NREP: variants seen among roughly 807,000 people sequenced by gnomAD.
NREP encodes the protein neuronal regeneration related protein.
NREP carries 5 observed loss-of-function variants against 8.6 expected under a neutral mutation model. The observed-to-expected ratio is 0.58, with a 90% confidence interval of 0.30 to 1.22. NREP has a LOEUF of 1.22. Among genes scored for constraint, NREP ranks in the 50% most tolerant of loss-of-function variants. The pLI is 0.07. For missense variants in NREP, 86 were observed against 82.5 expected, an observed-to-expected ratio of 1.04 and a Z score of -0.17; for synonymous variants, 27 against 28.0, an observed-to-expected ratio of 0.96 and a Z score of 0.11.
rs1581181140 is a variant in NREP, at chr5:111,875,215, T to C, written c.135+100059A>G. Among the ~76,000 whole-genome samples, 3 of 152,168 alleles carry C rather than the reference T, an allele frequency of 2.0e-5. No individual in the cohort carries two copies. In the East Asian group the frequency reaches 5.8e-4, roughly 29 times the overall value. On this transcript the variant is annotated intron_variant, in intron 2 of 3. Coordinates refer to the NREP transcript ENST00000395634. The stretch of plus-strand genomic sequence containing the variant: ...TATGAAGCTTCTTAGAATTTTATCT[T>C]TCTAAAAGTTCCCTTAACTATTCAG...
intron 2 of NREP, among the ~76,000 whole-genome samples, chr5:111,840,296 A>G (rs1240515947): frequency 1.3e-5 from 2 of 151,732 alleles, no homozygotes; most frequent in African/African-American, 2.4e-5. Context: ...GGTGGTGGTT[A>G]TTTGTTTTGT....
At chr5:111,911,947 G>T (rs950417265) in intron 2 of NREP, among the ~76,000 whole-genome samples, 2 of 152,040 alleles carry the variant, frequency 1.3e-5, no homozygotes, top group African/African-American at 4.8e-5. Context: ...TTACAGATGG[G>T]ATAACTAAGT....
chr5:111,806,596 T>C (rs1320646419), intron 2 of NREP, among the ~76,000 whole-genome samples: 1 of 152,198 alleles, frequency 6.6e-6, no homozygotes, highest in Non-Finnish European at 1.5e-5. Flanking sequence ...GAAATTGATC[T>C]GATTGCAATT....
At chr5:111,871,053 C>CGTGTGTGT (rs34667486) in intron 2 of NREP, among the ~76,000 whole-genome samples, 46,276 of 142,460 alleles carry the variant, frequency 0.32, 8,001 homozygotes, top group East Asian at 0.62. Flanking sequence ...GAACCAATGG[C>CGTGTGTGT]GTGTGTGTGT....
At chr5:111,815,477 G>A (rs764308499) in intron 2 of NREP, among the ~76,000 whole-genome samples, 4 of 151,706 alleles carry the variant, frequency 2.6e-5, no homozygotes, top group South Asian at 2.1e-4. Flanking sequence ...TAAGGACTCA[G>A]TTATCAAAGA....
intron 2 of NREP, among the ~76,000 whole-genome samples, chr5:111,787,266 T>C (rs572408332): frequency 6.6e-6 from 1 of 152,260 alleles, no homozygotes; most frequent in South Asian, 2.1e-4. Flanking sequence ...CCACACACAC[T>C]TCAGCTCCAA....
intron 1 of NREP, 23 bp downstream of exon 1, chr5:111,757,113 G>C: frequency 6.7e-6 from 5 of 749,836 alleles, no homozygotes; most frequent in Non-Finnish European, 8.1e-6. Context: ...TCCCAGCCGG[G>C]GATAGGAATG....
chr5:111,838,643 A>G (rs71579164), intron 2 of NREP, among the ~76,000 whole-genome samples: 7,166 of 152,132 alleles, frequency 0.047, 228 homozygotes, highest in Non-Finnish European at 0.075. Flanking sequence ...CTGGCCTCCC[A>G]ACAAATTTCA....
chr5:111,766,262 G>C (rs1751080861), intron 2 of NREP, among the ~76,000 whole-genome samples: 1 of 152,058 alleles, frequency 6.6e-6, no homozygotes, highest in Non-Finnish European at 1.5e-5. Context: ...GTAAGAATTT[G>C]ACTCTGTGAC....
At chr5:111,765,417 C>A (rs552452776) in intron 2 of NREP, among the ~76,000 whole-genome samples, 2 of 152,250 alleles carry the variant, frequency 1.3e-5, no homozygotes, top group South Asian at 4.1e-4. Flanking sequence ...CTGCATAAGC[C>A]CTAATTTCTC....
chr5:111,738,658 G>A (rs914216780), intron 2 of NREP: 2 of 152,244 alleles, frequency 1.3e-5, no homozygotes, highest in African/African-American at 2.4e-5. Flanking sequence ...GCTCACGTCT[G>A]GGGGTGGGGC....
intron 2 of NREP, among the ~76,000 whole-genome samples, chr5:111,966,724 A>C (rs536260548): frequency 6.6e-6 from 1 of 152,234 alleles, no homozygotes; most frequent in Non-Finnish European, 1.5e-5. Flanking sequence ...CTTTTACTTT[A>C]TATACTTAAG....
intron 2 of NREP, among the ~76,000 whole-genome samples, chr5:111,970,271 A>G (rs942435725): frequency 6.6e-6 from 1 of 152,184 alleles, no homozygotes; most frequent in Non-Finnish European, 1.5e-5. Flanking sequence ...CTAGTAAAAT[A>G]AACATATCTG....
At chr5:111,779,865 G>A (rs758204262) in intron 2 of NREP, among the ~76,000 whole-genome samples, 1 of 152,208 alleles carries the variant, frequency 6.6e-6, no homozygotes, top group Non-Finnish European at 1.5e-5. Context: ...ATGGGTACTT[G>A]AGGGCTCTCT....
chr5:111,746,864 A>G (rs1453419057), intron 2 of NREP, among the ~76,000 whole-genome samples: 1 of 152,186 alleles, frequency 6.6e-6, no homozygotes, highest in Non-Finnish European at 1.5e-5. Context: ...CCGATATTGC[A>G]TGCTTTTAAA....
Position 111,813,063 on chromosome 5 carries a change from G to A in NREP, c.136-77556C>T, listed in dbSNP as rs184199923. Among the ~76,000 whole-genome samples, 1,020 of 152,266 alleles carry A rather than the reference G, an allele frequency of 6.7e-3. 5 individuals carry two copies. Among genetic ancestry groups the A allele is most frequent in the Non-Finnish European group, 0.01 (696 of 68,016 alleles). On this transcript the variant is annotated intron_variant, in intron 2 of 3. Coordinates refer to the NREP transcript ENST00000395634. ...ATCTTATAGGTACCCTACTCTTTAA[G>A]TGTGTTCCAATGCAGTAAGTATATC...
intron 2 of NREP, among the ~76,000 whole-genome samples, chr5:111,779,760 T>C (rs1002521656): frequency 1.2e-4 from 19 of 152,138 alleles, no homozygotes; most frequent in Non-Finnish European, 2.5e-4. Context: ...TTTCTGAAAG[T>C]TTATAGGACT....
intron 2 of NREP, among the ~76,000 whole-genome samples, chr5:111,874,321 A>C (rs1022028259): frequency 7.9e-5 from 12 of 152,188 alleles, no homozygotes; most frequent in Non-Finnish European, 1.5e-4. Context: ...AAAAACTAAA[A>C]ACAATTATTT....
chr5:111,877,846 G>C (rs1378611245), intron 2 of NREP, among the ~76,000 whole-genome samples: 1 of 152,168 alleles, frequency 6.6e-6, no homozygotes, highest in Non-Finnish European at 1.5e-5. Flanking sequence ...TGAGTTGGGT[G>C]TTCCCCCCTC....
Sources: gnomAD v4.1 joint callset for allele counts (sites outside exome capture counted in the v4.1 genomes callset) on GRCh38, gnomAD v4.1.1 for gene constraint, MANE v1.5 for transcripts, NCBI Gene and HGNC (gene_info 2026-07-23, HGNC 2026-07-21) for gene names.